Variants in ECHDC2 observed in about 807,000 individuals in gnomAD.
ECHDC2 encodes enoyl-CoA hydratase domain-containing protein 2, mitochondrial.
In ECHDC2, 34 loss-of-function variants were observed where a neutral mutation model predicts 40.6. The ratio of observed to expected loss-of-function variants is 0.84; its 90% confidence interval spans 0.64 to 1.11. The LOEUF is 1.11. ECHDC2 is among the 50% of genes most tolerant of loss of function. The probability of loss-of-function intolerance (pLI) is 0.00; values close to 1 mark genes in which losing one functional copy is unlikely to be tolerated. For synonymous variants in ECHDC2, 162 were observed against 166.6 expected (o/e 0.97, Z 0.21); for missense variants, 392 against 400.7 (o/e 0.98, Z 0.19).
chr1:52,898,877 A>C (rs974886080), intron 8 of ECHDC2: 1 of 475,890 alleles, frequency 2.1e-6, no homozygotes, highest in South Asian at 2.1e-5. Flanking sequence ...AGCCACACAG[A>C]CCCGGGTTCT....
At chr1:52,917,131 A>C (rs1650861403) in intron 1 of ECHDC2, among the ~76,000 whole-genome samples, 1 of 152,016 alleles carries the variant, frequency 6.6e-6, no homozygotes, top group African/African-American at 2.4e-5. Context: ...GCTGGGGCAA[A>C]GAATCGCTTG....
At position 52,907,977 on chromosome 1, in the gene ECHDC2, C is replaced by A. The variant is rs369927995; in HGVS notation, c.278-23G>T. On this transcript the variant is annotated intron_variant, in intron 3 of 9. Coordinates refer to ENST00000371522, the MANE Select transcript of ECHDC2 (RefSeq NM_001198961.2). ...CACCTGCAGATGGCGAGGGTTGGTA[C>A]CAGCCCTTAGGAAAATGGCACTTTA... 32 of 1,612,204 alleles carry A rather than the reference C, an allele frequency of 2.0e-5. 1 individual carries two copies. The African/African-American group carries it at 4.1e-4, about 21-fold the overall frequency.
rs1163394598 is a variant in ECHDC2 at position 52,914,658 on chromosome 1, G to T, written c.122-2868C>A. On this transcript the variant is annotated intron_variant, in intron 1 of 9. Coordinates refer to ENST00000371522, the MANE Select transcript of ECHDC2 (RefSeq NM_001198961.2). This position sits in a 1 kb window ranked among gnomAD's most constrained non-coding sequence, Gnocchi z 4.0. ...AAATGCCTACTTGATATCTCAACTG[G>T]TATGTCCTGCTCCATTGATGAGCCA... Among the ~76,000 whole-genome samples, 1 of 152,102 alleles carries T rather than the reference G, an allele frequency of 6.6e-6. No individual in the cohort carries two copies. Among genetic ancestry groups the T allele is most frequent in the Admixed American group, 6.5e-5 (1 of 15,272 alleles).
rs1018587309 is a variant in ECHDC2, at chr1:52,896,452, C to A, written c.*68G>T. ...GGTGAAATGATGAAGGCAATCTGGC[C>A]ACAAATCTTCCTTCTGGATCCTGCT... On this transcript the variant is annotated 3_prime_UTR_variant, in exon 10 of 10. Transcript: ENST00000371522. The A allele has an allele frequency of 4.6e-6, 6 of 1,292,866 alleles. No homozygotes were observed. The Admixed American group carries it at 1.0e-4, about 22-fold the overall frequency. The allele number at this position is 1,292,866 out of a possible 1,614,324, so 80.1% of individuals were successfully genotyped here.
At chr1:52,908,003 C>A (rs776957819) in intron 3 of ECHDC2, 49 bp from the exon 4 acceptor site, 7 of 1,569,566 alleles carry the variant, frequency 4.5e-6, no homozygotes, top group Non-Finnish European at 6.1e-6. Context: ...TGGCACTTTA[C>A]GGAATCCCAG....
chr1:52,902,293 A>G (rs1011828186), intron 7 of ECHDC2, among the ~76,000 whole-genome samples: 1 of 152,214 alleles, frequency 6.6e-6, no homozygotes, highest in African/African-American at 2.4e-5. Flanking sequence ...AGTAGCTGTA[A>G]TAAAAGGCAT....
chr1:52,904,649 G>T lies in ECHDC2; in HGVS notation c.699C>A (p.Pro233=). The T allele has an allele frequency of 6.3e-7, 1 of 1,587,758 alleles. No individual in the cohort carries two copies. ...TGGTGCCGAGCTGTCACCACACCTGGGGCAGGATCTCCTGGGCCAGTGCTC... is the reference window on the plus strand; with the variant it reads ...TGGTGCCGAGCTGTCACCACACCTGTGGCAGGATCTCCTGGGCCAGTGCTC... ...RARALAQEIL[P]QAPIAVRLGK... is the part of the protein sequence containing the mutation. The change falls in exon 7 of 10, where the codon CCC becomes CCA. Residue 233 remains proline (P), a synonymous_variant. Coordinates refer to ENST00000371522, the MANE Select transcript of ECHDC2 (RefSeq NM_001198961.2).
intron 1 of ECHDC2, 33 bp downstream of exon 1, chr1:52,921,520 G>A (rs766442735): frequency 5.0e-6 from 8 of 1,595,976 alleles, no homozygotes; most frequent in Admixed American, 1.7e-5. Flanking sequence ...AGTCCCAGTC[G>A]CGTCATGCGC....
chr1:52,906,452 A>T, intron 5 of ECHDC2, 67 bp downstream of exon 5: 1 of 1,302,968 alleles, frequency 7.7e-7, no homozygotes, highest in Non-Finnish European at 1.1e-6. Flanking sequence ...GAATGTCCAG[A>T]CTCACCCTGT....
Position 52,905,080 on chromosome 1 carries a change from T to C in ECHDC2, c.468A>G (p.Ala156=). The C allele has an allele frequency of 6.2e-7, 1 of 1,614,122 alleles. No homozygotes were observed. The highest frequency in any genetic ancestry group is 8.5e-7 in the Non-Finnish European group (1 of 1,180,018). The change falls in exon 6 of 10, where the codon GCA becomes GCG. Residue 156 remains alanine (A), a synonymous_variant. Coordinates refer to ENST00000371522, the MANE Select transcript of ECHDC2 (RefSeq NM_001198961.2). The stretch of plus-strand genomic sequence containing the variant: ...GCGTGGTCTCAATCAGTCCCATGAC[T>C]GCCGAGGAAGCTGCTCAGATAGAAC... ...ACDLRVAASS[A]VMGLIETTRG...
intron 1 of ECHDC2, 178 bp downstream of exon 1, chr1:52,921,375 G>C: frequency 7.2e-7 from 1 of 1,380,338 alleles, no homozygotes; most frequent in East Asian, 2.8e-5. Context: ...CTAGAGTCTG[G>C]AGCCACTAAG....
rs1260948528 is a variant in ECHDC2, at chr1:52,914,664, C to T, written c.122-2874G>A. Among the ~76,000 whole-genome samples the T allele has an allele frequency of 6.6e-6, 1 of 152,140 alleles. No homozygotes were observed. The highest frequency in any genetic ancestry group is 6.5e-5 in the Admixed American group (1 of 15,280). The stretch of plus-strand genomic sequence containing the variant: ...CTACTTGATATCTCAACTGGTATGT[C>T]CTGCTCCATTGATGAGCCAATGACC... On this transcript the variant is annotated intron_variant, in intron 1 of 9. Coordinates refer to ENST00000371522, the MANE Select transcript of ECHDC2 (RefSeq NM_001198961.2). The surrounding 1 kb of genome is among the most constrained non-coding windows in gnomAD (Gnocchi z 4.0).
chr1:52,902,819 C>T (rs1426007942), intron 7 of ECHDC2, among the ~76,000 whole-genome samples: 2 of 151,392 alleles, frequency 1.3e-5, no homozygotes, highest in Non-Finnish European at 2.9e-5. Flanking sequence ...TTTTCTAATA[C>T]TACAATCACT....
intron 9 of ECHDC2, 117 bp downstream of exon 9, chr1:52,897,320 G>T: frequency 9.6e-7 from 1 of 1,038,466 alleles, no homozygotes; most frequent in Non-Finnish European, 1.5e-6. Context: ...GACGATGGAT[G>T]CGGTCAGACT....
Position 52,908,929 on chromosome 1 carries a change from C to CAAA in ECHDC2, c.278-978_278-976dup, listed in dbSNP as rs34090739. ...CGCTCCATCCTGGGTGACAGAGTCT[C>CAAA]AAAAAAAAAAAAAAAAAAAAAAAAA... On this transcript the variant is annotated intron_variant, in intron 3 of 9. Coordinates refer to ENST00000371522, the MANE Select transcript of ECHDC2 (RefSeq NM_001198961.2). Among the ~76,000 whole-genome samples the CAAA allele has an allele frequency of 5.7e-3, 248 of 43,744 alleles. 2 individuals carry two copies. Among genetic ancestry groups the CAAA allele is most frequent in the African/African-American group, 0.012 (198 of 16,326 alleles). The allele number at this position is 43,744 out of a possible 152,430, so 28.7% of individuals were successfully genotyped here.
intron 7 of ECHDC2, among the ~76,000 whole-genome samples, chr1:52,904,413 C>T (rs1273111486): frequency 6.6e-6 from 1 of 151,034 alleles, no homozygotes; most frequent in African/African-American, 2.4e-5. Flanking sequence ...GACAGTGTTA[C>T]ATTCAGAGGG....
intron 7 of ECHDC2, chr1:52,900,930 CAGG>C (rs1353189267): frequency 5.9e-5 from 9 of 152,134 alleles, no homozygotes; most frequent in Non-Finnish European, 1.3e-4. Context: ...GAGGCTGAGG[CAGG>C]AGGATTGCTT....
At chr1:52,897,402 T>C in intron 9 of ECHDC2, 35 bp downstream of exon 9, 1 of 1,611,432 alleles carries the variant, frequency 6.2e-7, no homozygotes, top group Non-Finnish European at 8.5e-7. Flanking sequence ...GCCCAGCCTA[T>C]GTTAACAAGC....
intron 3 of ECHDC2, among the ~76,000 whole-genome samples, chr1:52,911,301 C>A (rs979682736): frequency 6.6e-6 from 1 of 152,050 alleles, no homozygotes; most frequent in African/African-American, 2.4e-5. Flanking sequence ...TTATTTCCCC[C>A]GTGAAGGGTC....
Sources: allele counts gnomAD v4.1 joint callset (sites outside exome capture counted in the v4.1 genomes callset), GRCh38; gene constraint gnomAD v4.1.1; non-coding constraint Gnocchi (gnomAD v3.1); transcripts MANE v1.5; gene names NCBI Gene and HGNC (gene_info 2026-07-23, HGNC 2026-07-21).